TMEM161B: variants seen among roughly 807,000 people sequenced by gnomAD.
TMEM161B encodes the protein transmembrane protein 161B.
TMEM161B carries 34 observed loss-of-function variants against 61.8 expected under a neutral mutation model. The ratio of observed to expected loss-of-function variants is 0.55; its 90% CI spans 0.42 to 0.73. The LOEUF (loss-of-function observed/expected upper bound fraction) is 0.73, where lower values mean the gene tolerates loss of function less well. TMEM161B is among the 30% of genes least tolerant of loss of function. The probability of loss-of-function intolerance (pLI) is 0.00; values close to 1 mark genes in which losing one functional copy is unlikely to be tolerated. For synonymous variants in TMEM161B, 167 were observed against 192.8 expected (o/e 0.87, Z 1.11); for missense variants, 456 against 558.5 (o/e 0.82, Z 1.85).
chr5:88,240,994 T>C (rs1752644057), intron 1 of TMEM161B, 78 bp from the exon 2 acceptor site: 2 of 970,848 alleles, frequency 2.1e-6, no homozygotes, highest in Non-Finnish European at 3.0e-6. Flanking sequence ...TTCTGTACAT[T>C]TTGAAAATTA....
At chr5:88,190,323 G>A (rs973470721), downstream of TMEM161B, 1 of 696,112 alleles carries the variant, frequency 1.4e-6, no homozygotes, top group Non-Finnish European at 2.6e-6. Context: ...GCGAGATGTA[G>A]AAATACTGGC....
chr5:88,228,802 A>G (rs1750497324), intron 2 of TMEM161B, among the ~76,000 whole-genome samples: 1 of 152,178 alleles, frequency 6.6e-6, no homozygotes, highest in Non-Finnish European at 1.5e-5. Flanking sequence ...AATACATATT[A>G]AGATTATACA....
chr5:88,189,814 A>G (rs1038339986), exon 13 of TMEM161B: 2 of 471,778 alleles, frequency 4.2e-6, no homozygotes, highest in African/African-American at 3.9e-5. Flanking sequence ...ATTTTAAATA[A>G]TACCATAGGG....
Position 88,195,379 on chromosome 5 carries a change from A to G in TMEM161B, c.*832T>C. Reference sequence around the variant, plus strand: ...ATATTATATATTTAATATATAATATATATACAATACATACAGGTAGTCAGC... The same window carrying G: ...ATATTATATATTTAATATATAATATGTATACAATACATACAGGTAGTCAGC... On this transcript the variant is annotated 3_prime_UTR_variant, in exon 12 of 12. Coordinates refer to ENST00000296595, the MANE Select transcript of TMEM161B (RefSeq NM_153354.5). The G allele has an allele frequency of 1.4e-6, 1 of 729,452 alleles. No individual in the cohort carries two copies. The highest frequency in any genetic ancestry group is 1.7e-6 in the Non-Finnish European group (1 of 599,146). The allele number at this position is 729,452 out of a possible 1,614,324, so 45.2% of individuals were successfully genotyped here.
intron 5 of TMEM161B, among the ~76,000 whole-genome samples, chr5:88,215,254 G>A (rs549694226): frequency 4.9e-4 from 74 of 152,170 alleles, no homozygotes; most frequent in Non-Finnish European, 5.0e-4. Flanking sequence ...ATGCAGACAC[G>A]TGTTTGACTA....
intron 3 of TMEM161B, among the ~76,000 whole-genome samples, chr5:88,226,647 C>T (rs1750101671): frequency 6.6e-6 from 1 of 152,026 alleles, no homozygotes; most frequent in Non-Finnish European, 1.5e-5. Flanking sequence ...TGCATTTATC[C>T]TTGAATAAAA....
chr5:88,239,215 G>C (rs1372137276), intron 2 of TMEM161B, among the ~76,000 whole-genome samples: 3 of 151,938 alleles, frequency 2.0e-5, no homozygotes, highest in Admixed American at 1.3e-4. Context: ...TATAGAAATA[G>C]ATGGAAAACA....
At chr5:88,231,081 T>C (rs939407246) in intron 2 of TMEM161B, among the ~76,000 whole-genome samples, 25 of 152,300 alleles carry the variant, frequency 1.6e-4, no homozygotes, top group African/African-American at 5.8e-4. Context: ...GGTTAACACA[T>C]TGATGTGCCC....
chr5:88,217,966 T>C (rs1748214817), intron 5 of TMEM161B, among the ~76,000 whole-genome samples: 1 of 149,332 alleles, frequency 6.7e-6, no homozygotes, highest in African/African-American at 2.5e-5. Context: ...CACGGGAAGA[T>C]AATGTAATCA....
At position 88,199,070 on chromosome 5, in the gene TMEM161B, C is replaced by T; in HGVS notation, c.995G>A (p.Ser332Asn). ...LCALRLAMMR[S>N]HLQAYLNLAQ... ...TAAATTTAAATAAGCTTGCAGGTGA[C>T]TACGCATCATGGCCAACCGCAAAGC... The change falls in exon 10 of 12, where the codon AGT (serine) becomes AAT (asparagine). Residue 332 changes from serine (S) to asparagine (N), a missense_variant. Physicochemically the swap from Ser to Asn is conservative, Grantham distance 46. This residue lies in a region of TMEM161B where 367 missense variants were observed against 427.3 expected (regional missense o/e 0.86). Coordinates refer to ENST00000296595, the MANE Select transcript of TMEM161B (RefSeq NM_153354.5). 1 of 1,613,154 alleles carries T rather than the reference C, an allele frequency of 6.2e-7. No individual in the cohort carries two copies. The highest frequency in any genetic ancestry group is 8.5e-7 in the Non-Finnish European group (1 of 1,179,490).
At chr5:88,244,567 T>G (rs1753290072) in intron 1 of TMEM161B, among the ~76,000 whole-genome samples, 1 of 150,068 alleles carries the variant, frequency 6.7e-6, no homozygotes, top group African/African-American at 2.5e-5. Flanking sequence ...TCGAGTAATG[T>G]GATGCCTCCA....
At chr5:88,196,696 A>G (rs1400123214) in intron 11 of TMEM161B, among the ~76,000 whole-genome samples, 1 of 152,102 alleles carries the variant, frequency 6.6e-6, no homozygotes, top group Admixed American at 6.6e-5. Flanking sequence ...CAGTAAAGGT[A>G]CACATTAAAG....
Position 88,207,172 on chromosome 5 carries a change from A to G in TMEM161B, c.455T>C (p.Leu152Pro), listed in dbSNP as rs768344612. Reference protein sequence around the residue: ...LLVLSFAIKVLFSLTTHYFKV... With the variant: ...LLVLSFAIKVPFSLTTHYFKV... ...AAAATAGTGTGTAGTTAATGAAAAT[A>G]GAACTTTGCTGCAGAAGGAAAAGTT... The change falls in exon 6 of 12, where the codon CTA becomes CCA. Residue 152 changes from leucine (L) to proline (P), a missense_variant. By Grantham distance (98) the Leu-to-Pro change is moderately conservative (BLOSUM62 -3). This residue lies in a region of TMEM161B where 367 missense variants were observed against 427.3 expected (regional missense o/e 0.86). Transcript: ENST00000296595. 4 of 1,605,162 alleles carry G rather than the reference A, an allele frequency of 2.5e-6. No homozygotes were observed. Among genetic ancestry groups the G allele is most frequent in the African/African-American group, 1.3e-5 (1 of 74,312 alleles).
At chr5:88,203,956 C>T (rs1744962796) in intron 8 of TMEM161B, among the ~76,000 whole-genome samples, 1 of 151,264 alleles carries the variant, frequency 6.6e-6, no homozygotes, top group South Asian at 2.1e-4. Flanking sequence ...TTAGAAAAAA[C>T]GCAAATTCTT....
intron 1 of TMEM161B, among the ~76,000 whole-genome samples, chr5:88,250,143 T>G (rs1754137997): frequency 6.6e-6 from 1 of 151,954 alleles, no homozygotes; most frequent in Non-Finnish European, 1.5e-5. Context: ...CAAACAGTGA[T>G]TTTTACCATT....
At chr5:88,264,924 G>C (rs894472622) in intron 1 of TMEM161B, among the ~76,000 whole-genome samples, 4 of 151,768 alleles carry the variant, frequency 2.6e-5, no homozygotes, top group African/African-American at 9.7e-5. Flanking sequence ...CACACACTGC[G>C]GCCTGTCAGG....
At chr5:88,227,577 T>C (rs907541339) in intron 3 of TMEM161B, among the ~76,000 whole-genome samples, 3 of 152,192 alleles carry the variant, frequency 2.0e-5, no homozygotes, top group Admixed American at 1.3e-4. Flanking sequence ...AGGATGGTAG[T>C]AAGATCAAAA....
chr5:88,202,664 GAAC>G, intron 9 of TMEM161B: 1 of 336,396 alleles, frequency 3.0e-6, no homozygotes, highest in Non-Finnish European at 5.4e-6. Context: ...GAAGGTATCT[GAAC>G]AATAGCCACA....
At position 88,197,843 on chromosome 5, in the gene TMEM161B, A is replaced by G. The variant is rs1218730948; in HGVS notation, c.1090-78T>C. The G allele has an allele frequency of 5.0e-6, 6 of 1,189,746 alleles. No homozygotes were observed. The African/African-American group carries it at 7.7e-5, about 15-fold the overall frequency. 73.7% of individuals were successfully genotyped at this position (1,189,746 alleles called of 1,614,324 possible). ...AATTAAACTTTCATATAATTGCCAT[A>G]CCAAAATACTTAAGAGATAATCCTT... On this transcript the variant is annotated intron_variant, in intron 10 of 11. Transcript: ENST00000296595.
Sources: allele counts gnomAD v4.1 joint callset (sites outside exome capture counted in the v4.1 genomes callset), GRCh38; gene constraint gnomAD v4.1.1; regional missense constraint gnomAD v4.1.1; transcripts MANE v1.5; gene names NCBI Gene and HGNC (gene_info 2026-07-23, HGNC 2026-07-21).